CDH18: variants seen among roughly 807,000 people sequenced by gnomAD.
CDH18 encodes the protein cadherin-18.
A neutral mutation model predicts 67.9 loss-of-function variants in CDH18; 31 were observed. That is an observed-to-expected ratio of 0.46 (90% CI 0.34 to 0.62). The LOEUF (loss-of-function observed/expected upper bound fraction) is 0.62, where lower values mean the gene tolerates loss of function less well. Ranked by LOEUF, CDH18 falls within the 20% of genes least tolerant of loss-of-function variation. The pLI, the probability that CDH18 is intolerant of heterozygous loss-of-function variation, is 0.01. For synonymous variants in CDH18, 362 were observed against 347.2 expected (o/e 1.04, Z -0.48); for missense variants, 890 against 975.5 (o/e 0.91, Z 1.17).
chr5:19,712,215 T>C (rs115249778), intron 5 of CDH18, among the ~76,000 whole-genome samples: 1,892 of 152,058 alleles, frequency 0.012, 39 homozygotes, highest in African/African-American at 0.043. Context: ...ATTTTCTGGG[T>C]GTTTATTATA....
intron 3 of CDH18, among the ~76,000 whole-genome samples, chr5:19,793,054 A>G (rs1196250469): frequency 6.6e-6 from 1 of 152,144 alleles, no homozygotes; most frequent in African/African-American, 2.4e-5. Context: ...AATGAATGAT[A>G]ATGCCTGTTC....
At chr5:19,488,883 T>C (rs1323791517) in intron 11 of CDH18, among the ~76,000 whole-genome samples, 1 of 152,180 alleles carries the variant, frequency 6.6e-6, no homozygotes, top group East Asian at 1.9e-4. Context: ...AGTGGCTTAA[T>C]CTCCATTTTC....
intron 2 of CDH18, among the ~76,000 whole-genome samples, chr5:20,194,626 CTCTA>C (rs1391431582): frequency 1.3e-5 from 2 of 150,734 alleles, no homozygotes; most frequent in African/African-American, 2.4e-5. Context: ...TCCACTTCTA[CTCTA>C]TCTATAACAT....
intron 2 of CDH18, among the ~76,000 whole-genome samples, chr5:19,970,663 T>C (rs907959347): frequency 3.3e-5 from 5 of 151,870 alleles, no homozygotes; most frequent in South Asian, 2.1e-4. Flanking sequence ...AATGCTAAGT[T>C]CACGAGACTC....
rs894831843 is a variant in CDH18 at position 19,711,291 on chromosome 5, C to T, written c.643+10056G>A. The stretch of plus-strand genomic sequence containing the variant: ...CTTCTGCACAGCAAATGCAACAAAT[C>T]AACCAAGTGAACAACTTTCAGAATG... On this transcript the variant is annotated intron_variant, in intron 5 of 12. Coordinates refer to ENST00000382275, the MANE Select transcript of CDH18 (RefSeq NM_004934.5). Among the ~76,000 whole-genome samples the T allele has an allele frequency of 2.0e-5, 3 of 151,884 alleles. No individual in the cohort carries two copies. The South Asian group carries it at 6.2e-4, about 31-fold the overall frequency.
chr5:20,053,474 A>C (rs1347523), intron 2 of CDH18, among the ~76,000 whole-genome samples: 119,976 of 151,882 alleles, frequency 0.79, 49,888 homozygotes, highest in Non-Finnish European at 0.91. Flanking sequence ...TACTCTCCCC[A>C]TCTCAGCTTT....
chr5:20,110,405 G>A (rs1486238811), intron 2 of CDH18, among the ~76,000 whole-genome samples: 3 of 152,118 alleles, frequency 2.0e-5, no homozygotes, highest in African/African-American at 4.8e-5. Context: ...AATGTGTGTC[G>A]AGCACGGTGG....
intron 2 of CDH18, among the ~76,000 whole-genome samples, chr5:20,077,532 C>G (rs577047876): frequency 3.3e-5 from 5 of 152,216 alleles, no homozygotes; most frequent in African/African-American, 1.2e-4. Flanking sequence ...GCCAAAAATA[C>G]AACTCCAGAC....
intron 5 of CDH18, among the ~76,000 whole-genome samples, chr5:19,649,828 T>C (rs1755314065): frequency 6.6e-6 from 1 of 151,984 alleles, no homozygotes; most frequent in Non-Finnish European, 1.5e-5. Flanking sequence ...TATGTATTTG[T>C]TATTTCACCT....
At chr5:20,541,673 G>A (rs1757055551) in intron 1 of CDH18, among the ~76,000 whole-genome samples, 1 of 152,218 alleles carries the variant, frequency 6.6e-6, no homozygotes, top group African/African-American at 2.4e-5. Flanking sequence ...TGAAAAATAT[G>A]TCTCTCTAAA....
chr5:20,484,085 C>A (rs1753002240), intron 1 of CDH18, among the ~76,000 whole-genome samples: 1 of 151,774 alleles, frequency 6.6e-6, no homozygotes, highest in Non-Finnish European at 1.5e-5. Flanking sequence ...TCTATAGGAA[C>A]AAATCTAAGA....
intron 5 of CDH18, among the ~76,000 whole-genome samples, chr5:19,667,310 T>A (rs890440629): frequency 2.6e-5 from 4 of 151,512 alleles, no homozygotes; most frequent in African/African-American, 9.7e-5. Context: ...AACAAATTCG[T>A]GGTGGCATAC....
chr5:19,549,787 A>G (rs1230555881), intron 8 of CDH18, among the ~76,000 whole-genome samples: 1 of 148,698 alleles, frequency 6.7e-6, no homozygotes, highest in Non-Finnish European at 1.5e-5. Context: ...AAAGGAAGAA[A>G]GAAAGGAAGA....
chr5:20,346,297 G>A (rs77665673), intron 1 of CDH18, among the ~76,000 whole-genome samples: 1,748 of 152,152 alleles, frequency 0.011, 37 homozygotes, highest in African/African-American at 0.04. Context: ...ACTATTTAAC[G>A]GGACTAGAGG....
chr5:20,137,736 G>C (rs549249980), intron 2 of CDH18, among the ~76,000 whole-genome samples: 5 of 152,040 alleles, frequency 3.3e-5, no homozygotes, highest in East Asian at 3.9e-4. Flanking sequence ...TCTACCTTTG[G>C]TCTTTGATGA....
At chr5:20,138,211 A>C (rs559835064) in intron 2 of CDH18, among the ~76,000 whole-genome samples, 1 of 152,140 alleles carries the variant, frequency 6.6e-6, no homozygotes, top group Non-Finnish European at 1.5e-5. Flanking sequence ...CAAAGAAAAA[A>C]ACCACGTGAT....
chr5:20,160,216 C>T (rs954974084), intron 2 of CDH18, among the ~76,000 whole-genome samples: 3 of 152,146 alleles, frequency 2.0e-5, no homozygotes, highest in Admixed American at 1.3e-4. Flanking sequence ...ATAAAAATGA[C>T]CTGTTTAACT....
rs189057099 is a variant in CDH18 at position 20,118,651 on chromosome 5, C to A, written c.-517-126637G>T. On this transcript the variant is annotated intron_variant, in intron 2 of 14. Transcript: ENST00000507958. ...TAAGGCATAGTTCAAAAACACACAG[C>A]TAAAAACGGAAAGCTGTTTCAACCT... Among the ~76,000 whole-genome samples the A allele has an allele frequency of 1.6e-4, 25 of 152,254 alleles. No individual in the cohort carries two copies. The East Asian group carries it at 3.3e-3, about 20-fold the overall frequency.
chr5:19,888,206 G>T (rs919827617), intron 2 of CDH18, among the ~76,000 whole-genome samples: 1 of 151,858 alleles, frequency 6.6e-6, no homozygotes, highest in African/African-American at 2.4e-5. Context: ...GCATTTTCAC[G>T]TACATCTTAC....
Sources: gnomAD v4.1 joint callset for allele counts (sites outside exome capture counted in the v4.1 genomes callset) on GRCh38, gnomAD v4.1.1 for gene constraint, MANE v1.5 for transcripts, NCBI Gene and HGNC (gene_info 2026-07-23, HGNC 2026-07-21) for gene names.